Variants in SAMMSON observed in about 807,000 individuals in gnomAD.
The protein encoded by SAMMSON is survival associated mitochondrial melanoma specific oncogenic non-coding RNA, also known as long intergenic non-protein coding RNA 1212.
chr3:70,078,358 G>A (rs1474610634), intron 4 of SAMMSON, among the ~76,000 whole-genome samples: 4 of 152,150 alleles, frequency 2.6e-5, no homozygotes, highest in Non-Finnish European at 5.9e-5. Flanking sequence ...TCACATAGGT[G>A]CATGCAGGTG....
intron 3 of SAMMSON, among the ~76,000 whole-genome samples, chr3:70,052,987 A>G (rs1004137501): frequency 6.6e-6 from 1 of 152,180 alleles, no homozygotes; most frequent in African/African-American, 2.4e-5. Context: ...ATATTAAAGA[A>G]AAAAGTCAAA....
intron 7 of SAMMSON, among the ~76,000 whole-genome samples, chr3:70,336,610 C>A (rs1222007974): frequency 6.6e-6 from 1 of 151,918 alleles, no homozygotes; most frequent in East Asian, 1.9e-4. Context: ...TTATGAGCAG[C>A]TTTTTCTCTT....
intron 7 of SAMMSON, among the ~76,000 whole-genome samples, chr3:70,298,661 T>C (rs907701225): frequency 6.6e-6 from 1 of 152,134 alleles, no homozygotes; most frequent in Admixed American, 6.6e-5. Context: ...GAATGAGTAA[T>C]AGGTTTAAAA....
intron 4 of SAMMSON, among the ~76,000 whole-genome samples, chr3:70,238,903 C>A (rs2106640020): frequency 6.6e-6 from 1 of 152,258 alleles, no homozygotes; most frequent in Non-Finnish European, 1.5e-5. Context: ...CTATTTTCTT[C>A]CCATCTCTTT....
At chr3:70,341,267 G>T (rs1412209384) in intron 7 of SAMMSON, among the ~76,000 whole-genome samples, 1 of 152,054 alleles carries the variant, frequency 6.6e-6, no homozygotes, top group South Asian at 2.1e-4. Context: ...AGAGCCAGAA[G>T]GATTTGCACA....
intron 4 of SAMMSON, among the ~76,000 whole-genome samples, chr3:70,225,663 C>A (rs984889555): frequency 1.3e-5 from 2 of 152,148 alleles, no homozygotes; most frequent in African/African-American, 4.8e-5. Context: ...CACTGTTTCC[C>A]TTCTAGATCA....
intron 4 of SAMMSON, among the ~76,000 whole-genome samples, chr3:70,223,635 T>C (rs1575600896): frequency 6.6e-6 from 1 of 152,168 alleles, no homozygotes; most frequent in Non-Finnish European, 1.5e-5. Flanking sequence ...TATTTCCTGG[T>C]ACCCTGTCAC....
chr3:70,392,663 T>G (rs1261198691), downstream of SAMMSON, among the ~76,000 whole-genome samples: 1 of 152,128 alleles, frequency 6.6e-6, no homozygotes, highest in Admixed American at 6.6e-5. Flanking sequence ...GAATTCAGCC[T>G]CTACCATCGA....
chr3:70,305,149 C>G (rs1204111545), intron 7 of SAMMSON, among the ~76,000 whole-genome samples: 2 of 152,116 alleles, frequency 1.3e-5, no homozygotes, highest in Admixed American at 1.3e-4. Context: ...AAACAATTAC[C>G]CTTGTGAAAT....
intron 9 of SAMMSON, among the ~76,000 whole-genome samples, chr3:70,360,207 C>T (rs916200397): frequency 6.6e-6 from 1 of 151,976 alleles, no homozygotes. Flanking sequence ...AAAGATCTCC[C>T]GCCACCATTT....
chr3:70,041,359 A>G (rs1057362483), intron 3 of SAMMSON, among the ~76,000 whole-genome samples: 7 of 152,164 alleles, frequency 4.6e-5, no homozygotes, highest in Non-Finnish European at 1.0e-4. Context: ...GAAATCACAT[A>G]GTGTCTGCTT....
At chr3:70,288,939 G>T (rs1350864264) in intron 6 of SAMMSON, among the ~76,000 whole-genome samples, 1 of 151,538 alleles carries the variant, frequency 6.6e-6, no homozygotes, top group Non-Finnish European at 1.5e-5. Flanking sequence ...CTTTTATTTT[G>T]AGCCTATGTG....
chr3:70,380,713 G>A (rs1301088406), intron 9 of SAMMSON, among the ~76,000 whole-genome samples: 2 of 151,544 alleles, frequency 1.3e-5, no homozygotes, highest in Non-Finnish European at 1.5e-5. Context: ...CCCACAACAG[G>A]CCCCAGTGTG....
intron 7 of SAMMSON, among the ~76,000 whole-genome samples, chr3:70,314,409 G>T (rs1383518710): frequency 6.6e-6 from 1 of 151,958 alleles, no homozygotes; most frequent in Non-Finnish European, 1.5e-5. Flanking sequence ...ACTTCCTCGG[G>T]CATTTGGAAA....
intron 3 of SAMMSON, among the ~76,000 whole-genome samples, chr3:70,020,318 A>C (rs1466245294): frequency 1.3e-5 from 2 of 152,204 alleles, no homozygotes; most frequent in East Asian, 3.9e-4. Flanking sequence ...CAAAAATTCA[A>C]CAGGAACATG....
At chr3:70,157,415 T>G (rs553495448) in intron 4 of SAMMSON, among the ~76,000 whole-genome samples, 16 of 152,136 alleles carry the variant, frequency 1.1e-4, no homozygotes, top group African/African-American at 3.9e-4. Context: ...GAGGAGAAGG[T>G]AAATGGCAAT....
intron 7 of SAMMSON, among the ~76,000 whole-genome samples, chr3:70,334,631 C>A (rs1301343857): frequency 6.6e-6 from 1 of 151,994 alleles, no homozygotes; most frequent in Non-Finnish European, 1.5e-5. Context: ...TGGCACTGTG[C>A]TAGGCTCTAT....
chr3:70,069,908 G>A (rs971664635), intron 3 of SAMMSON: 2 of 152,040 alleles, frequency 1.3e-5, no homozygotes, highest in African/African-American at 4.8e-5. Flanking sequence ...TAAATTATAA[G>A]AAGATTAGAA....
intron 7 of SAMMSON, among the ~76,000 whole-genome samples, chr3:70,309,782 A>G (rs550313589): frequency 9.3e-4 from 141 of 152,376 alleles, no homozygotes; most frequent in African/African-American, 3.1e-3. Context: ...TATGAAATAT[A>G]GTAAACATAA....
Sources: allele counts gnomAD v4.1 joint callset (sites outside exome capture counted in the v4.1 genomes callset), GRCh38; gene constraint gnomAD v4.1.1; transcripts MANE v1.5; gene names NCBI Gene and HGNC (gene_info 2026-07-23, HGNC 2026-07-21).